The following CACNG4 variants were observed in gnomAD, a reference collection of about 807,000 sequenced individuals.
CACNG4 encodes voltage-dependent calcium channel gamma-4 subunit.
Under a neutral mutation model 22.9 loss-of-function variants are expected in CACNG4, and 8 were observed. The observed-to-expected ratio is 0.35, with a 90% CI of 0.21 to 0.63. The LOEUF is 0.63. Among genes scored for constraint, CACNG4 ranks in the 30% least tolerant of loss-of-function variants. CACNG4 has a pLI of 0.72. For missense variants in CACNG4, 357 were observed against 455.4 expected (o/e 0.78, Z 1.97); for synonymous variants, 188 against 191.9 (o/e 0.98, Z 0.17).
chr17:67,003,126 C>T (rs750310391), intron 1 of CACNG4, among the ~76,000 whole-genome samples: 6 of 151,990 alleles, frequency 3.9e-5, no homozygotes, highest in Non-Finnish European at 8.8e-5. Flanking sequence ...CTGATTATAA[C>T]AACAGCAAAC....
chr17:67,025,667 T>C (rs2035560069), intron 3 of CACNG4, among the ~76,000 whole-genome samples: 1 of 152,246 alleles, frequency 6.6e-6, no homozygotes, highest in East Asian at 1.9e-4. Flanking sequence ...CATCGGGGAA[T>C]AGCCACAGAG....
chr17:66,982,599 G>A (rs28537300), intron 1 of CACNG4, among the ~76,000 whole-genome samples: 13,793 of 152,206 alleles, frequency 0.091, 1,087 homozygotes, highest in African/African-American at 0.22. Flanking sequence ...CTCAACCCAG[G>A]AAGTCCAGCT....
rs2035577663 is a variant in CACNG4, at chr17:67,027,922, A to G, written c.446-2544A>G. ...GTAATCCCAGCTACTTGGGAGTCTG[A>G]GGCACGAGAATCACCTGAACCTGGG... On this transcript the variant is annotated intron_variant, in intron 3 of 3. Transcript: ENST00000262138. The surrounding 1 kb of genome is among the most constrained non-coding windows in gnomAD (Gnocchi z 4.3). 1.3e-5 allele frequency among the ~76,000 whole-genome samples: 2 copies of G among 152,102 alleles called. No individual in the cohort carries two copies. The highest frequency in any genetic ancestry group is 4.1e-4 in the South Asian group (2 of 4,824).
chr17:66,965,181 C>T (rs1371364929), intron 1 of CACNG4, 50 bp downstream of exon 1: 1 of 1,059,628 alleles, frequency 9.4e-7, no homozygotes, highest in African/African-American at 1.9e-5. Flanking sequence ...CACACACACA[C>T]ACACATATAC....
Position 66,964,856 on chromosome 17 carries a change from GGGCGGGCGGGCGCGGCGGGCCGGGCC to G in CACNG4, c.-46_-21del. On this transcript the variant is annotated 5_prime_UTR_variant, in exon 1 of 4. Coordinates refer to ENST00000262138, the MANE Select transcript of CACNG4 (RefSeq NM_014405.4). ...CCCGGAGCGGCGCGCGGAGGGAGGA[GGGCGGGCGGGCGCGGCGGGCCGGGCC>G]GGCGGGCGGCGGACTATGAGGCGCC... The G allele has an allele frequency of 8.8e-7, 1 of 1,137,112 alleles. No homozygotes were observed. The allele number at this position is 1,137,112 out of a possible 1,614,324, so 70.4% of individuals were successfully genotyped here. A position where few individuals can be genotyped will look rare whatever the true frequency, so the allele number is the denominator to read the frequency against.
At chr17:67,022,107 G>A (rs1011456384) in intron 2 of CACNG4, among the ~76,000 whole-genome samples, 9 of 144,746 alleles carry the variant, frequency 6.2e-5, no homozygotes, top group Non-Finnish European at 1.2e-4. Context: ...ACGGAGTCTC[G>A]CTCTGCTGCC....
At chr17:66,972,654 G>A (rs1361786750) in intron 1 of CACNG4, among the ~76,000 whole-genome samples, 2 of 80,344 alleles carry the variant, frequency 2.5e-5, no homozygotes, top group African/African-American at 5.2e-5. Context: ...GGCCTGGCGC[G>A]GTGACTCACG....
At chr17:66,979,745 C>CTTTTTTTTTT (rs35942551) in intron 1 of CACNG4, among the ~76,000 whole-genome samples, 6 of 92,018 alleles carry the variant, frequency 6.5e-5, no homozygotes, top group Non-Finnish European at 1.0e-4. Flanking sequence ...TCTTTTCATG[C>CTTTTTTTTTT]TTTTTTTTTT....
In CACNG4 at chr17:67,027,005, T is replaced by C. The variant is rs2035572027; in HGVS notation, c.445+2005T>C. 6.6e-6 allele frequency among the ~76,000 whole-genome samples: 1 copy of C among 151,980 alleles called. No individual in the cohort carries two copies. Among genetic ancestry groups the C allele is most frequent in the Non-Finnish European group, 1.5e-5 (1 of 67,982 alleles). ...GGTCCCGGCTGTGACCCCTCAACAC[T>C]GCCCCAGAGCGTCCTCCCCACGGCA... On this transcript the variant is annotated intron_variant, in intron 3 of 3. Transcript: ENST00000262138. The surrounding 1 kb of genome is among the most constrained non-coding windows in gnomAD (Gnocchi z 4.3).
chr17:67,011,628 T>G (rs1034282610), intron 1 of CACNG4, among the ~76,000 whole-genome samples: 1 of 136,932 alleles, frequency 7.3e-6, no homozygotes, highest in African/African-American at 2.9e-5. Flanking sequence ...TCTTGAGGAA[T>G]GAATGAATGA....
At chr17:66,967,855 C>A (rs2035179557) in intron 1 of CACNG4, among the ~76,000 whole-genome samples, 1 of 151,968 alleles carries the variant, frequency 6.6e-6, no homozygotes, top group Admixed American at 6.6e-5. Context: ...GGAAGCCCAG[C>A]CCTCTGTGTG....
chr17:66,966,604 C>T (rs1241022429), intron 1 of CACNG4, among the ~76,000 whole-genome samples: 2 of 152,172 alleles, frequency 1.3e-5, no homozygotes, highest in African/African-American at 4.8e-5. Flanking sequence ...AACTTGGCCC[C>T]CTTTTCCCCT....
At position 67,024,912 on chromosome 17, in the gene CACNG4, G is replaced by A; in HGVS notation, c.357G>A (p.Leu119=). Residue 119 remains leucine, a synonymous_variant, in exon 3 of 4, where the codon CTG becomes CTA. Coordinates refer to ENST00000262138, the MANE Select transcript of CACNG4 (RefSeq NM_014405.4). ...CCATCCTCAGCACCATCCTGCTCCT[G>A]CTGGGTGGCCTGTGCATCGGTGCTG... ...VFPILSTILL[L]LGGLCIGAGR... 6.2e-7 allele frequency: 1 copy of A among 1,605,530 alleles called. No individual in the cohort carries two copies. The highest frequency in any genetic ancestry group is 8.5e-7 in the Non-Finnish European group (1 of 1,177,360).
chr17:66,992,161 G>T lies in CACNG4; in HGVS notation c.221-26028G>T, dbSNP rs951897438. ...TACCTGGTTGCTCCGCCAAGCTCCT[G>T]GGGGGGGGGGGCTGTGATGCCTCCT... On this transcript the variant is annotated intron_variant, in intron 1 of 3. Transcript: ENST00000262138. Among the ~76,000 whole-genome samples, 9 of 23,528 alleles carry T rather than the reference G, an allele frequency of 3.8e-4. No homozygotes were observed. The East Asian group carries it at 7.4e-3, about 19-fold the overall frequency. 15.4% of individuals were successfully genotyped at this position (23,528 alleles called of 152,430 possible).
At chr17:66,977,299 G>A (rs2035243796) in intron 1 of CACNG4, among the ~76,000 whole-genome samples, 1 of 152,122 alleles carries the variant, frequency 6.6e-6, no homozygotes, top group Non-Finnish European at 1.5e-5. Flanking sequence ...GATACCTGAA[G>A]CCCCATGGAT....
At chr17:66,967,252 C>T (rs1791006684) in intron 1 of CACNG4, among the ~76,000 whole-genome samples, 1 of 152,332 alleles carries the variant, frequency 6.6e-6, no homozygotes, top group East Asian at 1.9e-4. Context: ...GCTCCACTAG[C>T]AGAGGGAGCC....
rs547140242 is a variant in CACNG4 at position 66,997,450 on chromosome 17, CT to C, written c.221-20738del. Among the ~76,000 whole-genome samples, 68 of 152,284 alleles carry C rather than the reference CT, an allele frequency of 4.5e-4. 1 individual carries two copies. The South Asian group carries it at 0.014, about 32-fold the overall frequency. ...TGAGCCATGCTGAGCCCTGTGGCCCCTGTTGGACTTCTAGGTGGAGATGTCC... is the reference window on the plus strand; with the variant it reads ...TGAGCCATGCTGAGCCCTGTGGCCCCGTTGGACTTCTAGGTGGAGATGTCC... On this transcript the variant is annotated intron_variant, in intron 1 of 3. Coordinates refer to ENST00000262138, the MANE Select transcript of CACNG4 (RefSeq NM_014405.4).
intron 1 of CACNG4, among the ~76,000 whole-genome samples, chr17:67,002,259 A>G (rs2035412732): frequency 6.6e-6 from 1 of 152,180 alleles, no homozygotes; most frequent in South Asian, 2.1e-4. Context: ...ATCAGATCTA[A>G]TAGACTTATT....
In CACNG4 at chr17:66,964,911, C is replaced by T. The variant is rs1321088784; in HGVS notation, c.-1C>T. The T allele has an allele frequency of 6.5e-7, 1 of 1,546,328 alleles. No homozygotes were observed. Among genetic ancestry groups the T allele is most frequent in the Non-Finnish European group, 8.7e-7 (1 of 1,151,582 alleles). The stretch of plus-strand genomic sequence containing the variant: ...GGGCGGCGGACTATGAGGCGCCCAC[C>T]ATGGTGCGATGCGACCGCGGGCTGC... On this transcript the variant is annotated 5_prime_UTR_variant, in exon 1 of 4. Transcript: ENST00000262138.
Sources: gnomAD v4.1 joint callset for allele counts (sites outside exome capture counted in the v4.1 genomes callset) on GRCh38, gnomAD v4.1.1 for gene constraint, Gnocchi (gnomAD v3.1) non-coding constraint, MANE v1.5 for transcripts, NCBI Gene and HGNC (gene_info 2026-07-23, HGNC 2026-07-21) for gene names.